The following GRM4 variants were observed in gnomAD, a reference collection of about 807,000 sequenced individuals.
GRM4 encodes the protein glutamate metabotropic receptor 4, also known as metabotropic glutamate receptor 4.
Under a neutral mutation model 81.7 loss-of-function variants are expected in GRM4, and 28 were observed. The observed-to-expected ratio is 0.34, with a 90% confidence interval of 0.25 to 0.47. The LOEUF is 0.47. Among genes scored for constraint, GRM4 ranks in the 20% least tolerant of loss-of-function variants. The pLI is 1.00. For missense variants in GRM4, 948 were observed against 1,290.0 expected (o/e 0.73, Z 4.06); for synonymous variants, 488 against 528.8 (o/e 0.92, Z 1.06).
chr6:34,080,101 G>A lies in GRM4; in HGVS notation c.736+11782C>T, dbSNP rs940769214. 1.3e-5 allele frequency among the ~76,000 whole-genome samples: 2 copies of A among 152,192 alleles called. 1 individual carries two copies. The highest frequency in any genetic ancestry group is 2.9e-5 in the Non-Finnish European group (2 of 68,026). ...TGGTTATTCTCCAAATGCCGGGCAG[G>A]CACCACCTCAGGGCCTTTGCACATG... On this transcript the variant is annotated intron_variant, in intron 3 of 10. Coordinates refer to ENST00000538487, the MANE Select transcript of GRM4 (RefSeq NM_000841.4). This position sits in a 1 kb window ranked among gnomAD's most constrained non-coding sequence, Gnocchi z 5.4.
At position 34,088,192 on chromosome 6, in the gene GRM4, G is replaced by A. The variant is rs2499710; in HGVS notation, c.736+3691C>T. Among the ~76,000 whole-genome samples the A allele has an allele frequency of 9.8e-3, 1,493 of 152,022 alleles. 22 individuals are homozygous for A. Among genetic ancestry groups the A allele is most frequent in the African/African-American group, 0.03 (1,253 of 41,472 alleles). ...GGTTGGAGTGCAATGGCGCAATCTCGGCTCACTGCAACCTCCACCTCCCAG... is the reference window on the plus strand; with the variant it reads ...GGTTGGAGTGCAATGGCGCAATCTCAGCTCACTGCAACCTCCACCTCCCAG... On this transcript the variant is annotated intron_variant, in intron 3 of 10. Coordinates refer to ENST00000538487, the MANE Select transcript of GRM4 (RefSeq NM_000841.4).
Position 34,074,251 on chromosome 6 carries a change from G to A in GRM4, c.737-12223C>T, listed in dbSNP as rs765500097. Among the ~76,000 whole-genome samples the A allele has an allele frequency of 4.6e-5, 7 of 152,174 alleles. No homozygotes were observed. The highest frequency in any genetic ancestry group is 1.9e-4 in the East Asian group (1 of 5,188). ...CCTACTGCTTCGTGATGAAAGCCACGTTGCCCACTCTCCAACCCTCCATTT... is the reference window on the plus strand; with the variant it reads ...CCTACTGCTTCGTGATGAAAGCCACATTGCCCACTCTCCAACCCTCCATTT... On this transcript the variant is annotated intron_variant, in intron 3 of 10. Coordinates refer to ENST00000538487, the MANE Select transcript of GRM4 (RefSeq NM_000841.4). This position sits in a 1 kb window ranked among gnomAD's most constrained non-coding sequence, Gnocchi z 4.9.
chr6:34,123,223 C>T (rs1769886111), intron 2 of GRM4, among the ~76,000 whole-genome samples: 1 of 152,154 alleles, frequency 6.6e-6, no homozygotes, highest in African/African-American at 2.4e-5. Flanking sequence ...CACCCCAGCG[C>T]CCGCAGCAGG....
At chr6:34,148,323 G>A (rs1770980976), upstream of GRM4, among the ~76,000 whole-genome samples, 1 of 151,986 alleles carries the variant, frequency 6.6e-6, no homozygotes, top group South Asian at 2.1e-4. Context: ...CTCTCTGCTG[G>A]GTCGTGGCTG....
chr6:34,145,844 C>A (rs540454076), intron 1 of GRM4, among the ~76,000 whole-genome samples, 156 bp downstream of exon 1: 1 of 152,178 alleles, frequency 6.6e-6, no homozygotes, highest in African/African-American at 2.4e-5. Flanking sequence ...CCCCCTACCC[C>A]ACACCTCCAC....
chr6:34,145,508 G>A (rs1205401223), intron 1 of GRM4, among the ~76,000 whole-genome samples: 3 of 152,346 alleles, frequency 2.0e-5, no homozygotes, highest in Admixed American at 6.5e-5. Flanking sequence ...AGCCGGCCGA[G>A]GTACGGGCGC....
At chr6:34,134,730 C>T (rs555086713) in intron 1 of GRM4, among the ~76,000 whole-genome samples, 4 of 152,128 alleles carry the variant, frequency 2.6e-5, no homozygotes, top group African/African-American at 9.6e-5. Flanking sequence ...TTTCTCCCCA[C>T]CCCCACTTCC....
chr6:34,102,002 CCT>C (rs1207853389), intron 2 of GRM4: 1 of 1,534,978 alleles, frequency 6.5e-7, no homozygotes, highest in Non-Finnish European at 8.7e-7. Context: ...CAGGTCAGGG[CCT>C]CTCACCAGGA....
intron 6 of GRM4, chr6:34,056,230 G>C: frequency 3.5e-6 from 1 of 287,470 alleles, no homozygotes; most frequent in Non-Finnish European, 6.5e-6. Context: ...TGTGCATCAA[G>C]ACTGGATACA....
chr6:34,029,538 C>T (rs983620862), intron 9 of GRM4, among the ~76,000 whole-genome samples: 2 of 152,176 alleles, frequency 1.3e-5, no homozygotes, highest in South Asian at 2.1e-4. Context: ...ATGGGATGAC[C>T]TTCATTTCCA....
intron 2 of GRM4, among the ~76,000 whole-genome samples, chr6:34,131,570 A>G (rs1244676395): frequency 6.6e-6 from 1 of 152,088 alleles, no homozygotes; most frequent in Admixed American, 6.5e-5. Flanking sequence ...TTGTGACAGC[A>G]CAACTCTGGC....
rs1349723810 is a variant in GRM4, at chr6:34,028,320, G to A, written c.2489C>T (p.Ala830Val). The stretch of plus-strand genomic sequence containing the variant: ...GTAGAGCATTCCCAGGGACACCGAG[G>A]CGCTCAGACTCACCGAGACCGTCAG... ...TTLTVSVSLS[A>V]SVSLGMLYMP... Residue 830 changes from alanine (A) to valine (V), a missense_variant, in exon 10 of 11, where the codon GCC becomes GTC. Physicochemically the swap from Ala to Val is moderately conservative, Grantham distance 64. Transcript: ENST00000538487. 1 of 1,612,892 alleles carries A rather than the reference G, an allele frequency of 6.2e-7. No homozygotes were observed. The highest frequency in any genetic ancestry group is 1.3e-5 in the African/African-American group (1 of 74,932).
Position 34,059,135 on chromosome 6 carries a change from G to A in GRM4, c.873-7C>T, listed in dbSNP as rs754316364. On this transcript the variant is annotated splice_polypyrimidine_tract_variant and splice_region_variant and intron_variant, in intron 4 of 10. Coordinates refer to ENST00000538487, the MANE Select transcript of GRM4 (RefSeq NM_000841.4). The surrounding 1 kb of genome is among the most constrained non-coding windows in gnomAD (Gnocchi z 5.7). ...TGCTGCCTCCAGCACACGCCTGTAG[G>A]AACATACACCAGCCCAGCCCAGCCG... is the stretch of plus-strand genomic sequence containing the variant. 1.2e-6 allele frequency: 2 copies of A among 1,613,166 alleles called. No individual in the cohort carries two copies. Among genetic ancestry groups the A allele is most frequent in the Admixed American group, 3.3e-5 (2 of 60,002 alleles).
chr6:34,073,229 A>G (rs1422658767), intron 3 of GRM4, among the ~76,000 whole-genome samples: 35 of 121,008 alleles, frequency 2.9e-4, no homozygotes, highest in Non-Finnish European at 4.0e-4. Context: ...ACACATCACC[A>G]AATACATGCC....
intron 2 of GRM4, among the ~76,000 whole-genome samples, chr6:34,112,033 G>A (rs1338153844): frequency 3.3e-5 from 5 of 152,140 alleles, no homozygotes; most frequent in African/African-American, 1.2e-4. Context: ...GGAAGGGGGG[G>A]ACATGATCAC....
In GRM4 at chr6:34,021,991, G is replaced by A. The variant is rs112690179; in HGVS notation, c.*830C>T. 3.4e-4 allele frequency: 52 copies of A among 154,116 alleles called. No homozygotes were observed. Among genetic ancestry groups the A allele is most frequent in the Non-Finnish European group, 5.2e-4 (36 of 69,572 alleles). The allele number at this position is 154,116 out of a possible 1,614,324, so 9.5% of individuals were successfully genotyped here. On this transcript the variant is annotated 3_prime_UTR_variant, in exon 11 of 11. Transcript: ENST00000538487. This position sits in a 1 kb window ranked among gnomAD's most constrained non-coding sequence, Gnocchi z 5.3. ...CGGCAGGAGGGGCAGGCGGGCAGGC[G>A]GGCAAGACAGACGGCAGACGGGCGG...
At chr6:34,083,943 G>A (rs549839823) in intron 3 of GRM4, among the ~76,000 whole-genome samples, 6 of 152,164 alleles carry the variant, frequency 3.9e-5, no homozygotes, top group South Asian at 4.2e-4. Context: ...GAACCGAAAC[G>A]CCAAGCCCTG....
chr6:34,097,565 G>A lies in GRM4; in HGVS notation c.520-5466C>T, dbSNP rs930457173. The stretch of plus-strand genomic sequence containing the variant: ...CAACCAGCCCAGGCATGCTGATACC[G>A]GCTAGCACACGGGTGGTGACCCAGA... On this transcript the variant is annotated intron_variant, in intron 2 of 10. Transcript: ENST00000538487. Among the ~76,000 whole-genome samples, 10 of 152,296 alleles carry A rather than the reference G, an allele frequency of 6.6e-5. 2 individuals carry two copies. The highest frequency in any genetic ancestry group is 6.8e-3 in the Middle Eastern group (2 of 294).
chr6:34,133,636 T>C lies in GRM4; in HGVS notation c.-140A>G. The C allele has an allele frequency of 2.1e-6, 3 of 1,428,992 alleles. No individual in the cohort carries two copies. Among genetic ancestry groups the C allele is most frequent in the Non-Finnish European group, 2.7e-6 (3 of 1,097,522 alleles). 88.5% of individuals were successfully genotyped at this position (1,428,992 alleles called of 1,614,324 possible). ...GGGCAGCCAACCGCGTAGCCCATGC[T>C]GCTACCCTCTCCCACCTCCTTGTCA... On this transcript the variant is annotated 5_prime_UTR_variant, in exon 2 of 11. Transcript: ENST00000538487. This position sits in a 1 kb window ranked among gnomAD's most constrained non-coding sequence, Gnocchi z 6.5.
Sources: gnomAD v4.1 joint callset for allele counts (sites outside exome capture counted in the v4.1 genomes callset) on GRCh38, gnomAD v4.1.1 for gene constraint, Gnocchi (gnomAD v3.1) non-coding constraint, MANE v1.5 for transcripts, NCBI Gene and HGNC (gene_info 2026-07-23, HGNC 2026-07-21) for gene names.